Variants in FSTL5 observed in about 807,000 individuals in gnomAD.
FSTL5 encodes follistatin-related protein 5.
A neutral mutation model predicts 89.1 loss-of-function variants in FSTL5; 62 were observed. That is an observed-to-expected ratio of 0.70 (90% CI 0.57 to 0.86). The LOEUF (loss-of-function observed/expected upper bound fraction) is 0.86. Ranked by LOEUF, FSTL5 falls within the 40% of genes least tolerant of loss-of-function variation. FSTL5 has a pLI of 0.00. For missense variants in FSTL5, 1,057 were observed against 1,001.6 expected (o/e 1.06, Z -0.75); for synonymous variants, 383 against 346.2 (o/e 1.11, Z -1.18).
rs187382919 is a variant in FSTL5, at chr4:161,710,905, C to T, written c.727+48506G>A. Reference sequence around the variant, plus strand: ...AACATAAGGGATTTTGAGAAATTCACGAATATGTATAAATTAGCACAGTCC... The same window carrying T: ...AACATAAGGGATTTTGAGAAATTCATGAATATGTATAAATTAGCACAGTCC... On this transcript the variant is annotated intron_variant, in intron 6 of 15. Coordinates refer to ENST00000306100, the MANE Select transcript of FSTL5 (RefSeq NM_020116.5). Among the ~76,000 whole-genome samples the T allele has an allele frequency of 7.2e-5, 11 of 152,030 alleles. 1 individual carries two copies. In the East Asian group the frequency reaches 9.7e-4, roughly 13 times the overall value.
At chr4:161,475,601 A>C (rs1734107790) in intron 13 of FSTL5, among the ~76,000 whole-genome samples, 1 of 151,842 alleles carries the variant, frequency 6.6e-6, no homozygotes, top group Non-Finnish European at 1.5e-5. Flanking sequence ...AATATTTTTT[A>C]TTCTTTACTA....
Position 161,385,272 on chromosome 4 carries a change from C to A in FSTL5, c.*475G>T, listed in dbSNP as rs748091514. ...GTCTTCCTTTTCCTCCTGTGACATTCCCTTCAAGGCACAAAATATTATAAA... is the reference window on the plus strand; with the variant it reads ...GTCTTCCTTTTCCTCCTGTGACATTACCTTCAAGGCACAAAATATTATAAA... On this transcript the variant is annotated 3_prime_UTR_variant, in exon 16 of 16. Coordinates refer to ENST00000306100, the MANE Select transcript of FSTL5 (RefSeq NM_020116.5). 1 of 154,080 alleles carries A rather than the reference C, an allele frequency of 6.5e-6. No individual in the cohort carries two copies. Among genetic ancestry groups the A allele is most frequent in the African/African-American group, 2.4e-5 (1 of 41,414 alleles). The allele number at this position is 154,080 out of a possible 1,614,324, so 9.5% of individuals were successfully genotyped here.
At chr4:161,968,366 A>G (rs1195184575) in intron 3 of FSTL5, among the ~76,000 whole-genome samples, 1 of 152,120 alleles carries the variant, frequency 6.6e-6, no homozygotes, top group African/African-American at 2.4e-5. Context: ...AAAAAAAGTC[A>G]TCCTTATCTT....
chr4:162,069,191 A>G (rs1729493299), intron 2 of FSTL5, among the ~76,000 whole-genome samples: 1 of 151,900 alleles, frequency 6.6e-6, no homozygotes, highest in Admixed American at 6.6e-5. Flanking sequence ...ACACATCTAA[A>G]ATGAACTGTA....
At chr4:161,853,615 A>T (rs141354512) in intron 4 of FSTL5, among the ~76,000 whole-genome samples, 12 of 151,464 alleles carry the variant, frequency 7.9e-5, no homozygotes, top group East Asian at 5.8e-4. Flanking sequence ...TTAATCATTT[A>T]TTTGTTGCTT....
chr4:161,959,306 T>C (rs80071555), intron 3 of FSTL5, among the ~76,000 whole-genome samples: 2,149 of 152,234 alleles, frequency 0.014, 30 homozygotes, highest in Non-Finnish European at 0.023. Flanking sequence ...TGATTTAAGA[T>C]ACATATTTCC....
At chr4:162,162,188 A>G (rs1364751371) in intron 1 of FSTL5, among the ~76,000 whole-genome samples, 5 of 152,120 alleles carry the variant, frequency 3.3e-5, no homozygotes, top group South Asian at 2.1e-4. Flanking sequence ...ATCTCTACCT[A>G]GAGGATTTAG....
At chr4:162,087,407 T>C (rs1488601882) in intron 2 of FSTL5, among the ~76,000 whole-genome samples, 2 of 152,074 alleles carry the variant, frequency 1.3e-5, no homozygotes, top group African/African-American at 2.4e-5. Flanking sequence ...TCAGTTCGTA[T>C]AATGACATAG....
chr4:162,018,544 ATTCT>A (rs113239372), intron 3 of FSTL5, among the ~76,000 whole-genome samples: 95,017 of 151,514 alleles, frequency 0.63, 30,504 homozygotes, highest in East Asian at 0.81. Context: ...ATTATTTTAG[ATTCT>A]TTCTTCCTTC....
intron 8 of FSTL5, among the ~76,000 whole-genome samples, chr4:161,564,413 A>G (rs1578928572): frequency 6.6e-6 from 1 of 151,052 alleles, no homozygotes; most frequent in East Asian, 1.9e-4. Context: ...TTTCAGTTTT[A>G]TCAATAGATG....
At chr4:161,679,527 C>G (rs1388791025) in intron 6 of FSTL5, among the ~76,000 whole-genome samples, 5 of 151,708 alleles carry the variant, frequency 3.3e-5, no homozygotes, top group African/African-American at 1.2e-4. Flanking sequence ...GCTAGTTATT[C>G]CTACACTATG....
intron 15 of FSTL5, among the ~76,000 whole-genome samples, chr4:161,397,761 G>A (rs1171046200): frequency 6.6e-6 from 1 of 151,542 alleles, no homozygotes; most frequent in African/African-American, 2.4e-5. Context: ...TAACAAATGA[G>A]AGAAAATATG....
chr4:161,881,394 C>A (rs1732625815), intron 4 of FSTL5, among the ~76,000 whole-genome samples: 2 of 151,632 alleles, frequency 1.3e-5, no homozygotes, highest in East Asian at 1.9e-4. Context: ...GGGAAATATT[C>A]CTTAGAGTTT....
At chr4:162,149,597 G>A (rs1733147626) in intron 1 of FSTL5, among the ~76,000 whole-genome samples, 1 of 152,002 alleles carries the variant, frequency 6.6e-6, no homozygotes. Flanking sequence ...AGGCTGCAGT[G>A]AGCTGCGATC....
At chr4:161,630,734 C>T (rs1735474707) in intron 7 of FSTL5, among the ~76,000 whole-genome samples, 1 of 152,166 alleles carries the variant, frequency 6.6e-6, no homozygotes, top group African/African-American at 2.4e-5. Flanking sequence ...AACTATATTA[C>T]GATTCCAACA....
intron 15 of FSTL5, among the ~76,000 whole-genome samples, chr4:161,405,335 A>G (rs1381797133): frequency 1.3e-5 from 2 of 152,106 alleles, no homozygotes; most frequent in Non-Finnish European, 2.9e-5. Flanking sequence ...TAGGAGAATG[A>G]TATATAAACA....
rs1487706932 is a variant in FSTL5, at chr4:161,656,491, A to G, written c.731T>C (p.Val244Ala). The change falls in exon 7 of 16, where the codon GTG (valine) becomes GCG (alanine). Residue 244 changes from valine (V) to alanine (A), a missense_variant. Val to Ala is a moderately conservative substitution (Grantham distance 64). This residue lies in a region of FSTL5 where 980 missense variants were observed against 903.2 expected (regional missense o/e 1.08). Transcript: ENST00000306100. The part of the protein sequence containing the change: ...ALEEFYRAFQ[V>A]IQLSLPEDQK... ...ATCTTCTGGCAGACTCAACTGGATC[A>G]CTTCTGTAAAGATGAAGTGTCAGTA... is the stretch of plus-strand genomic sequence containing the variant. 1 of 1,566,900 alleles carries G rather than the reference A, an allele frequency of 6.4e-7. No homozygotes were observed.
Position 161,597,071 on chromosome 4 carries a change from T to C in FSTL5, c.895-9496A>G, listed in dbSNP as rs541438269. ...TTGTCAATTTTGGCTTTTGTTGCCA[T>C]TGCTTTTGGTGTTTTAGACATGAAG... On this transcript the variant is annotated intron_variant, in intron 7 of 15. Coordinates refer to ENST00000306100, the MANE Select transcript of FSTL5 (RefSeq NM_020116.5). Among the ~76,000 whole-genome samples, 4 of 152,258 alleles carry C rather than the reference T, an allele frequency of 2.6e-5. No homozygotes were observed. The East Asian group carries it at 5.8e-4, about 22-fold the overall frequency.
At chr4:161,874,672 C>A (rs967484294) in intron 4 of FSTL5, among the ~76,000 whole-genome samples, 2 of 149,674 alleles carry the variant, frequency 1.3e-5, no homozygotes, top group African/African-American at 4.9e-5. Flanking sequence ...TTGGGGTATA[C>A]GTTTGAGTTG....
Sources: gnomAD v4.1 joint callset for allele counts (sites outside exome capture counted in the v4.1 genomes callset) on GRCh38, gnomAD v4.1.1 for gene constraint, gnomAD v4.1.1 regional missense constraint, MANE v1.5 for transcripts, NCBI Gene and HGNC (gene_info 2026-07-23, HGNC 2026-07-21) for gene names.